Variants in TNFRSF14 observed in about 807,000 individuals in gnomAD.
The protein encoded by TNFRSF14 is tumor necrosis factor receptor superfamily member 14.
In TNFRSF14, 18 loss-of-function variants were observed where a neutral mutation model predicts 34.1. That is an observed-to-expected ratio of 0.53 (90% CI 0.36 to 0.78). The LOEUF is 0.78. Ranked by LOEUF, TNFRSF14 falls within the 30% of genes least tolerant of loss-of-function variation. TNFRSF14 has a pLI of 0.00. For missense variants in TNFRSF14, 352 were observed against 379.5 expected, an observed-to-expected ratio of 0.93 and a Z score of 0.60; for synonymous variants, 157 against 153.2, an observed-to-expected ratio of 1.02 and a Z score of -0.18.
In TNFRSF14 at chr1:2,561,670, C is replaced by CA; in HGVS notation, c.552-2dup. 6.2e-7 allele frequency: 1 copy of CA among 1,612,868 alleles called. No homozygotes were observed. The highest frequency in any genetic ancestry group is 8.5e-7 in the Non-Finnish European group (1 of 1,179,842). On this transcript the variant is annotated splice_polypyrimidine_tract_variant and splice_region_variant and intron_variant, in intron 5 of 7. Coordinates refer to ENST00000355716, the MANE Select transcript of TNFRSF14 (RefSeq NM_003820.4). The surrounding 1 kb of genome is among the most constrained non-coding windows in gnomAD (Gnocchi z 6.0). ...TCCCACGTCCTCGGCCCCACTCCCGCAGGTGCAGCTGGCTGGTGACGAAGG... is the reference window on the plus strand; with the variant it reads ...TCCCACGTCCTCGGCCCCACTCCCGCAAGGTGCAGCTGGCTGGTGACGAAGG...
chr1:2,559,974 G>A lies in TNFRSF14; in HGVS notation c.456G>A (p.Lys152=), dbSNP rs749636376. The change falls in exon 4 of 8, where the codon AAG becomes AAA. Residue 152 remains lysine (K), a synonymous_variant. Coordinates refer to ENST00000355716, the MANE Select transcript of TNFRSF14 (RefSeq NM_003820.4). The part of the protein sequence containing the change: ...ATSSPGQRVQ[K]GGTESQDTLC... Reference sequence around the variant, plus strand: ...CCAGCCCGGGCCAGAGGGTGCAGAAGGGAGGTAAGCGGTGGGTGGCGGACA... The same window carrying A: ...CCAGCCCGGGCCAGAGGGTGCAGAAAGGAGGTAAGCGGTGGGTGGCGGACA... 6.4e-6 allele frequency: 10 copies of A among 1,562,568 alleles called. No individual in the cohort carries two copies. Among genetic ancestry groups the A allele is most frequent in the Middle Eastern group, 1.7e-4 (1 of 5,984 alleles).
Position 2,562,836 on chromosome 1 carries a change from TC to T in TNFRSF14, c.695-26del. ...GTGTCCCCTGATCAGACACTGCCCC[TC>T]CCTGACCTGTGTGTCTGTGTATTGC... On this transcript the variant is annotated intron_variant, in intron 6 of 7. Coordinates refer to ENST00000355716, the MANE Select transcript of TNFRSF14 (RefSeq NM_003820.4). 8 of 1,613,892 alleles carry T rather than the reference TC, an allele frequency of 5.0e-6. No individual in the cohort carries two copies. The East Asian group carries it at 1.8e-4, about 36-fold the overall frequency.
Position 2,563,175 on chromosome 1 carries a change from G to A in TNFRSF14, c.754G>A (p.Ala252Thr), listed in dbSNP as rs769035700. 3 of 1,613,368 alleles carry A rather than the reference G, an allele frequency of 1.9e-6. No individual in the cohort carries two copies. In the South Asian group the frequency reaches 3.3e-5, roughly 18 times the overall value. The stretch of plus-strand genomic sequence containing the variant: ...GAAAAGACAGGAGGCAGAAGGTGAG[G>A]CCACAGTCATTGAGGCCCTGCAGGC... ...QRKRQEAEGE[A>T]TVIEALQAPP... is the part of the protein sequence containing the mutation. Residue 252 changes from alanine (A) to threonine (T), a missense_variant, in exon 8 of 8, where the codon GCC (alanine) becomes ACC (threonine). Transcript: ENST00000355716.
Position 2,561,394 on chromosome 1 carries a change from G to A in TNFRSF14, c.552-279G>A. The A allele has an allele frequency of 8.2e-7, 1 of 1,222,542 alleles. No homozygotes were observed. The highest frequency in any genetic ancestry group is 1.6e-5 in the South Asian group (1 of 64,240). 75.7% of individuals were successfully genotyped at this position (1,222,542 alleles called of 1,614,324 possible). On this transcript the variant is annotated intron_variant, in intron 5 of 7. Transcript: ENST00000355716. The surrounding 1 kb of genome is among the most constrained non-coding windows in gnomAD (Gnocchi z 6.0). ...CTCTGGGGTCTCTGCACTGCTGGCTGCCTCCCGCTTCTCTCCCCTCTCCCT... is the reference window on the plus strand; with the variant it reads ...CTCTGGGGTCTCTGCACTGCTGGCTACCTCCCGCTTCTCTCCCCTCTCCCT...
Position 2,559,855 on chromosome 1 carries a change from A to G in TNFRSF14, c.337A>G (p.Arg113Gly). The G allele has an allele frequency of 1.9e-6, 3 of 1,608,190 alleles. No homozygotes were observed. Among genetic ancestry groups the G allele is most frequent in the Non-Finnish European group, 1.7e-6 (2 of 1,177,964 alleles). ...CCTGCGCGCGAGCCGGAACTGCTCC[A>G]GGACAGAGAACGCCGTGTGTGGCTG... ...MGLRASRNCSRTENAVCGCSP... is the reference protein window; with the variant it reads ...MGLRASRNCSGTENAVCGCSP... Residue 113 changes from arginine (R) to glycine (G), a missense_variant, in exon 4 of 8, where the codon AGG (arginine) becomes GGG (glycine). Physicochemically the swap from Arg to Gly is moderately radical, Grantham distance 125 (BLOSUM62 -2). Coordinates refer to ENST00000355716, the MANE Select transcript of TNFRSF14 (RefSeq NM_003820.4).
upstream of TNFRSF14, chr1:2,554,815 T>A (rs1366521132): frequency 1.3e-5 from 2 of 151,738 alleles, no homozygotes; most frequent in Non-Finnish European, 2.9e-5. The surrounding 1 kb of genome is among the most constrained non-coding windows in gnomAD (Gnocchi z 4.2). Flanking sequence ...TCTGAGAGAG[T>A]GGGGTTGGAG....
intron 6 of TNFRSF14, chr1:2,562,502 G>A (rs950428953): frequency 9.3e-6 from 4 of 431,394 alleles, no homozygotes; most frequent in African/African-American, 8.2e-5. Context: ...CAGCAGCTTA[G>A]TCTCACCCAA....
Position 2,561,101 on chromosome 1 carries a change from C to T in TNFRSF14, c.551+387C>T, listed in dbSNP as rs544805129. 49 of 324,768 alleles carry T rather than the reference C, an allele frequency of 1.5e-4. No homozygotes were observed. Among genetic ancestry groups the T allele is most frequent in the African/African-American group, 6.5e-4 (31 of 47,606 alleles). 20.1% of individuals were successfully genotyped at this position (324,768 alleles called of 1,614,324 possible). On this transcript the variant is annotated intron_variant, in intron 5 of 7. Coordinates refer to ENST00000355716, the MANE Select transcript of TNFRSF14 (RefSeq NM_003820.4). This position sits in a 1 kb window ranked among gnomAD's most constrained non-coding sequence, Gnocchi z 6.0. Reference sequence around the variant, plus strand: ...GAACACTCTGCTCTTTGTCCACCTTCGGGAGGACACCTTCAAATGCTGACC... The same window carrying T: ...GAACACTCTGCTCTTTGTCCACCTTTGGGAGGACACCTTCAAATGCTGACC...
intron 3 of TNFRSF14, 21 bp downstream of exon 3, chr1:2,558,489 G>T: frequency 6.2e-7 from 1 of 1,611,748 alleles, no homozygotes; most frequent in South Asian, 1.1e-5. Context: ...AGCACAGCCG[G>T]CCCAGCCTCC....
chr1:2,562,761 A>G (rs1644328911), intron 6 of TNFRSF14, 104 bp from the exon 7 acceptor site: 2 of 1,435,676 alleles, frequency 1.4e-6, no homozygotes, highest in Admixed American at 1.7e-5. Context: ...TCCCAGGGAG[A>G]AGCAGGAGTT....
Position 2,562,884 on chromosome 1 carries a change from C to T in TNFRSF14, c.714C>T (p.Ile238=), listed in dbSNP as rs556710728. 1.1e-5 allele frequency: 18 copies of T among 1,613,854 alleles called. No homozygotes were observed. Among genetic ancestry groups the T allele is most frequent in the Admixed American group, 3.3e-5 (2 of 60,014 alleles). The part of the protein sequence containing the change: ...RKPRGDVVKV[I]VSVQRKRQEA... The stretch of plus-strand genomic sequence containing the variant: ...TTGCAGGTGATGTAGTCAAGGTGAT[C>T]GTCTCCGTCCAGGTATTGATCCTCC... Residue 238 remains isoleucine (I), a synonymous_variant, in exon 7 of 8, where the codon ATC becomes ATT. Coordinates refer to ENST00000355716, the MANE Select transcript of TNFRSF14 (RefSeq NM_003820.4).
intron 3 of TNFRSF14, 46 bp downstream of exon 3, chr1:2,558,514 G>C (rs374441103): frequency 8.7e-6 from 14 of 1,609,696 alleles, no homozygotes; most frequent in African/African-American, 2.7e-5. Context: ...GGGCAGCCTG[G>C]ATGCCCCCGC....
At position 2,556,444 on chromosome 1, in the gene TNFRSF14, C is replaced by A; in HGVS notation, c.-221C>A. ...AGGGCCCACCTGTGTCCCCCAGCGC[C>A]GCTCCACCCAGCAGGCCTGAGCCCC... On this transcript the variant is annotated 5_prime_UTR_variant, in exon 1 of 8. Coordinates refer to ENST00000355716, the MANE Select transcript of TNFRSF14 (RefSeq NM_003820.4). The A allele has an allele frequency of 1.4e-6, 1 of 699,404 alleles. No homozygotes were observed. Among genetic ancestry groups the A allele is most frequent in the Non-Finnish European group, 2.6e-6 (1 of 383,992 alleles). The allele number at this position is 699,404 out of a possible 1,614,324, so 43.3% of individuals were successfully genotyped here.
chr1:2,558,346 A>T lies in TNFRSF14; in HGVS notation c.182A>T (p.Tyr61Phe), dbSNP rs927370433. 1 of 1,602,250 alleles carries T rather than the reference A, an allele frequency of 6.2e-7. No homozygotes were observed. The highest frequency in any genetic ancestry group is 8.5e-7 in the Non-Finnish European group (1 of 1,175,504). ...SECCPKCSPG[Y>F]RVKEACGELT... ...GTTCCCACTCTCTGGGCGGCAGGTT[A>T]TCGTGTGAAGGAGGCCTGCGGGGAG... Residue 61 changes from tyrosine to phenylalanine, a missense_variant, in exon 3 of 8, where the codon TAT (tyrosine) becomes TTT (phenylalanine). By Grantham distance (22) the Tyr-to-Phe change is conservative. Coordinates refer to ENST00000355716, the MANE Select transcript of TNFRSF14 (RefSeq NM_003820.4).
chr1:2,559,937 C>T lies in TNFRSF14; in HGVS notation c.419C>T (p.Ala140Val), dbSNP rs556772426. Residue 140 changes from alanine (A) to valine (V), a missense_variant, in exon 4 of 8, where the codon GCT (alanine) becomes GTT (valine). Physicochemically the swap from Ala to Val is moderately conservative, Grantham distance 64. Coordinates refer to ENST00000355716, the MANE Select transcript of TNFRSF14 (RefSeq NM_003820.4). ...GGGGACCACTGCGCCGCGTGCCGCGCTTACGCCACCTCCAGCCCGGGCCAG... is the reference window on the plus strand; with the variant it reads ...GGGGACCACTGCGCCGCGTGCCGCGTTTACGCCACCTCCAGCCCGGGCCAG... ...QDGDHCAACR[A>V]YATSSPGQRV... is the part of the protein sequence containing the mutation. 19 of 1,596,170 alleles carry T rather than the reference C, an allele frequency of 1.2e-5. No homozygotes were observed. The highest frequency in any genetic ancestry group is 1.6e-5 in the Non-Finnish European group (19 of 1,171,340).
rs1428402023 is a variant in TNFRSF14, at chr1:2,563,217, A to G, written c.796A>G (p.Thr266Ala). Residue 266 changes from threonine (T) to alanine (A), a missense_variant, in exon 8 of 8, where the codon ACG (threonine) becomes GCG (alanine). Coordinates refer to ENST00000355716, the MANE Select transcript of TNFRSF14 (RefSeq NM_003820.4). ...EALQAPPDVT[T>A]VAVEETIPSF... ...CCTGCAGGCCCCTCCGGACGTCACC[A>G]CGGTGGCCGTGGAGGAGACAATACC... is the stretch of plus-strand genomic sequence containing the variant. 14 of 1,613,326 alleles carry G rather than the reference A, an allele frequency of 8.7e-6. No individual in the cohort carries two copies. Among genetic ancestry groups the G allele is most frequent in the Non-Finnish European group, 1.2e-5 (14 of 1,180,016 alleles).
intron 3 of TNFRSF14, chr1:2,559,593 G>A (rs1455316784): frequency 6.5e-7 from 1 of 1,532,458 alleles, no homozygotes; most frequent in African/African-American, 1.4e-5. Flanking sequence ...AGCCCTCCCA[G>A]GACCTTCCTG....
chr1:2,556,821 C>A, intron 1 of TNFRSF14, 88 bp downstream of exon 1: 2 of 1,359,544 alleles, frequency 1.5e-6, no homozygotes, highest in Non-Finnish European at 2.0e-6. Context: ...ATGCCCCTGT[C>A]CTGGCCGTTG....
At chr1:2,555,842 C>A (rs1644204340), upstream of TNFRSF14, 2 of 154,396 alleles carry the variant, frequency 1.3e-5, no homozygotes. The surrounding 1 kb of genome is among the most constrained non-coding windows in gnomAD (Gnocchi z 6.3). Flanking sequence ...GGGCTGTCTC[C>A]ATCCGGAGGT....
Sources: gnomAD v4.1 joint callset for allele counts on GRCh38, gnomAD v4.1.1 for gene constraint, Gnocchi (gnomAD v3.1) non-coding constraint, MANE v1.5 for transcripts, NCBI Gene and HGNC (gene_info 2026-07-23, HGNC 2026-07-21) for gene names.